HIBCH: variants seen among roughly 807,000 people sequenced by gnomAD.
HIBCH encodes 3-hydroxyisobutyryl-CoA hydrolase, also known as 3-hydroxyisobutyryl-CoA hydrolase, mitochondrial.
In HIBCH, 50 loss-of-function variants were observed where a neutral mutation model predicts 58.2. The observed-to-expected ratio is 0.86, with a 90% CI of 0.68 to 1.09. The LOEUF is 1.09. Ranked by LOEUF, HIBCH falls within the 50% of genes least tolerant of loss-of-function variation. HIBCH has a pLI of 0.00. For synonymous variants in HIBCH, 151 were observed against 146.9 expected (o/e 1.03, Z -0.20); for missense variants, 450 against 449.7 (o/e 1.00, Z -0.01).
chr2:190,199,806 G>T (rs1690159042), downstream of HIBCH: 4 of 1,580,746 alleles, frequency 2.5e-6, no homozygotes, highest in South Asian at 4.7e-5. Context: ...GTTTTCTAAA[G>T]ATGGCCTGGA....
intron 9 of HIBCH, among the ~76,000 whole-genome samples, chr2:190,246,467 C>T (rs1027468239): frequency 8.5e-5 from 13 of 152,162 alleles, no homozygotes; most frequent in African/African-American, 3.1e-4. Context: ...TATGTAACCA[C>T]TATTACATTT....
At chr2:190,242,782 A>G (rs1686489770) in intron 11 of HIBCH, among the ~76,000 whole-genome samples, 1 of 152,216 alleles carries the variant, frequency 6.6e-6, no homozygotes, top group Non-Finnish European at 1.5e-5. Flanking sequence ...ATGTTTGTGC[A>G]TGCATATACT....
At chr2:190,271,902 A>T (rs2105965093) in intron 6 of HIBCH, among the ~76,000 whole-genome samples, 1 of 152,246 alleles carries the variant, frequency 6.6e-6, no homozygotes, top group East Asian at 1.9e-4. Context: ...ACTTTGCTCA[A>T]ATATGAATTC....
chr2:190,311,180 C>G (rs1688546520), intron 1 of HIBCH, among the ~76,000 whole-genome samples: 1 of 152,074 alleles, frequency 6.6e-6, no homozygotes, highest in Admixed American at 6.6e-5. Flanking sequence ...AGAAGCCAGT[C>G]TGAAAAGGCT....
rs907841779 is a variant in HIBCH, at chr2:190,216,552, G to A, written c.892-3477C>T. Among the ~76,000 whole-genome samples, 4 of 152,130 alleles carry A rather than the reference G, an allele frequency of 2.6e-5. No homozygotes were observed. Among genetic ancestry groups the A allele is most frequent in the Admixed American group, 2.6e-4 (4 of 15,274 alleles). On this transcript the variant is annotated intron_variant, in intron 11 of 13. Coordinates refer to ENST00000359678, the MANE Select transcript of HIBCH (RefSeq NM_014362.4). The surrounding 1 kb of genome is among the most constrained non-coding windows in gnomAD (Gnocchi z 4.2). ...GGCTGCAGGGCTGTGTGGGGACTGT[G>A]GCTAACTGAAGAGGGCACACCCTGT...
chr2:190,267,654 C>T (rs781414885), intron 6 of HIBCH, among the ~76,000 whole-genome samples: 6 of 152,088 alleles, frequency 3.9e-5, no homozygotes, highest in East Asian at 1.9e-4. Context: ...AGTTATAAAC[C>T]GAGGCTTTTA....
chr2:190,257,436 A>G (rs1686956635), intron 7 of HIBCH, among the ~76,000 whole-genome samples: 1 of 152,188 alleles, frequency 6.6e-6, no homozygotes, highest in Non-Finnish European at 1.5e-5. Flanking sequence ...CAGCAAAATA[A>G]AAAATAAATG....
At chr2:190,237,728 G>A (rs1040230463) in intron 11 of HIBCH, among the ~76,000 whole-genome samples, 4 of 151,948 alleles carry the variant, frequency 2.6e-5, no homozygotes, top group Non-Finnish European at 4.4e-5. Flanking sequence ...AGGTATACAC[G>A]TGCCATGGTG....
At chr2:190,265,497 C>G (rs1048931401) in intron 6 of HIBCH, among the ~76,000 whole-genome samples, 3 of 147,950 alleles carry the variant, frequency 2.0e-5, no homozygotes, top group Non-Finnish European at 3.0e-5. Context: ...GTAGAATTCT[C>G]TATATATCCT....
chr2:190,273,281 T>C (rs1436757300), intron 6 of HIBCH, among the ~76,000 whole-genome samples: 1 of 152,070 alleles, frequency 6.6e-6, no homozygotes, highest in East Asian at 1.9e-4. Flanking sequence ...TAATCCTAGC[T>C]ACTCGGGAGG....
intron 2 of HIBCH, among the ~76,000 whole-genome samples, chr2:190,300,683 T>C (rs1688235814): frequency 6.6e-6 from 1 of 152,184 alleles, no homozygotes; most frequent in African/African-American, 2.4e-5. Flanking sequence ...AATTTTTGGT[T>C]TTGTTGCAAT....
At chr2:190,270,894 G>C (rs887171619) in intron 6 of HIBCH, among the ~76,000 whole-genome samples, 1 of 151,904 alleles carries the variant, frequency 6.6e-6, no homozygotes, top group Non-Finnish European at 1.5e-5. Flanking sequence ...CTAACACATA[G>C]AGATTAGCAC....
In HIBCH at chr2:190,250,788, C is replaced by A. The variant is rs1016271678; in HGVS notation, c.664-1062G>T. On this transcript the variant is annotated intron_variant, in intron 8 of 13. Coordinates refer to ENST00000359678, the MANE Select transcript of HIBCH (RefSeq NM_014362.4). ...GTATGCTTCATACATTTTACAGAAT[C>A]TGTAACAGTGTGAGAAACAAGACCA... Among the ~76,000 whole-genome samples, 3 of 152,174 alleles carry A rather than the reference C, an allele frequency of 2.0e-5. No individual in the cohort carries two copies. In the East Asian group the frequency reaches 5.8e-4, roughly 29 times the overall value.
At chr2:190,234,162 A>ACAC (rs1559025029) in intron 11 of HIBCH, among the ~76,000 whole-genome samples, 2 of 152,172 alleles carry the variant, frequency 1.3e-5, no homozygotes, top group South Asian at 2.1e-4. Flanking sequence ...CATCTCAAAA[A>ACAC]CACCACCACC....
chr2:190,218,276 T>A lies in HIBCH; in HGVS notation c.892-5201A>T, dbSNP rs538502188. Among the ~76,000 whole-genome samples, 23 of 152,290 alleles carry A rather than the reference T, an allele frequency of 1.5e-4. No homozygotes were observed. In the East Asian group the frequency reaches 4.4e-3, roughly 29 times the overall value. On this transcript the variant is annotated intron_variant, in intron 11 of 13. Transcript: ENST00000359678. ...TGGACCACACCATATCAAGGCCAGC[T>A]GAGTCATTCTTCTGAAAACCAACCG...
chr2:190,263,046 T>C (rs150005521), intron 6 of HIBCH, among the ~76,000 whole-genome samples: 3,285 of 152,298 alleles, frequency 0.022, 48 homozygotes, highest in Non-Finnish European at 0.032. Context: ...TTTTCTATCT[T>C]ACATCAAAGA....
chr2:190,234,655 GC>G (rs2105923378), intron 11 of HIBCH, among the ~76,000 whole-genome samples: 1 of 152,190 alleles, frequency 6.6e-6, no homozygotes, highest in East Asian at 1.9e-4. Flanking sequence ...TTCAAGACCA[GC>G]CTGACTAATA....
intron 13 of HIBCH, 73 bp downstream of exon 13, chr2:190,208,807 A>G (rs1316189780): frequency 1.5e-6 from 2 of 1,326,956 alleles, no homozygotes; most frequent in Non-Finnish European, 2.2e-6. Context: ...CATAATCTGT[A>G]TCTTCTTTAA....
At chr2:190,297,790 A>C (rs1340693496) in intron 2 of HIBCH, among the ~76,000 whole-genome samples, 1 of 152,190 alleles carries the variant, frequency 6.6e-6, no homozygotes, top group African/African-American at 2.4e-5. Context: ...CTGAATGTGC[A>C]GGTTTGTTAC....
Sources: gnomAD v4.1 joint callset for allele counts (sites outside exome capture counted in the v4.1 genomes callset) on GRCh38, gnomAD v4.1.1 for gene constraint, Gnocchi (gnomAD v3.1) non-coding constraint, MANE v1.5 for transcripts, NCBI Gene and HGNC (gene_info 2026-07-23, HGNC 2026-07-21) for gene names.